CFAP299: variants seen among roughly 807,000 people sequenced by gnomAD.
The protein encoded by CFAP299 is cilia- and flagella-associated protein 299.
In CFAP299, 21 loss-of-function variants were observed where a neutral mutation model predicts 27.0. The ratio of observed to expected loss-of-function variants is 0.78; its 90% CI spans 0.55 to 1.12. CFAP299 has a LOEUF of 1.12. Among genes scored for constraint, CFAP299 ranks in the 50% most tolerant of loss-of-function variants. The pLI is 0.00. For missense variants in CFAP299, 310 were observed against 276.6 expected (o/e 1.12, Z -0.86); for synonymous variants, 104 against 98.1 (o/e 1.06, Z -0.36).
At chr4:80,590,717 C>A (rs1030555845) in intron 3 of CFAP299, among the ~76,000 whole-genome samples, 2 of 152,070 alleles carry the variant, frequency 1.3e-5, no homozygotes, top group African/African-American at 2.4e-5. Context: ...CAAAAACTGA[C>A]ACAATAATTA....
At position 80,675,851 on chromosome 4, in the gene CFAP299, G is replaced by A. The variant is rs534804464; in HGVS notation, c.333+92668G>A. Among the ~76,000 whole-genome samples, 212 of 152,226 alleles carry A rather than the reference G, an allele frequency of 1.4e-3. 1 individual carries two copies. The highest frequency in any genetic ancestry group is 5.9e-4 in the Non-Finnish European group (40 of 68,042). Reference sequence around the variant, plus strand: ...GGGTGTGGGACCTGCTGAGGCAGGCGCAGGATATAATCTCTTCATGTGTTG... The same window carrying A: ...GGGTGTGGGACCTGCTGAGGCAGGCACAGGATATAATCTCTTCATGTGTTG... On this transcript the variant is annotated intron_variant, in intron 3 of 5. Coordinates refer to ENST00000358105, the MANE Select transcript of CFAP299 (RefSeq NM_152770.3).
chr4:80,474,110 T>G (rs1730154220), intron 2 of CFAP299, among the ~76,000 whole-genome samples: 1 of 152,192 alleles, frequency 6.6e-6, no homozygotes, highest in Non-Finnish European at 1.5e-5. Flanking sequence ...AGGAATATGT[T>G]GAGTAATGAG....
chr4:80,562,400 C>A (rs1038528603), intron 2 of CFAP299, among the ~76,000 whole-genome samples: 4 of 152,032 alleles, frequency 2.6e-5, no homozygotes, highest in African/African-American at 9.7e-5. Flanking sequence ...GAGTTCGAGA[C>A]TAGCCTGTCC....
intron 2 of CFAP299, among the ~76,000 whole-genome samples, chr4:80,414,622 G>T (rs895447150): frequency 4.6e-5 from 7 of 152,128 alleles, no homozygotes; most frequent in Admixed American, 3.9e-4. Context: ...AATCTCATGT[G>T]CACCTCCTCA....
At chr4:80,731,970 A>G (rs1232504598) in intron 3 of CFAP299, among the ~76,000 whole-genome samples, 1 of 152,082 alleles carries the variant, frequency 6.6e-6, no homozygotes, top group South Asian at 2.1e-4. Flanking sequence ...GCCTGTTACT[A>G]AAAGCATCCA....
chr4:80,337,303 A>AT (rs919670513), intron 1 of CFAP299, among the ~76,000 whole-genome samples: 7 of 152,244 alleles, frequency 4.6e-5, no homozygotes, highest in Middle Eastern at 3.4e-3. Context: ...AGGTTTTAAT[A>AT]TTTTTTAAGG....
intron 2 of CFAP299, among the ~76,000 whole-genome samples, chr4:80,479,410 T>G (rs1231814220): frequency 6.6e-6 from 1 of 152,022 alleles, no homozygotes; most frequent in Non-Finnish European, 1.5e-5. Flanking sequence ...ATATAAGGAT[T>G]CCAATAGTCA....
chr4:80,610,725 A>G (rs1266094650), intron 3 of CFAP299, among the ~76,000 whole-genome samples: 2 of 152,070 alleles, frequency 1.3e-5, no homozygotes, highest in Non-Finnish European at 2.9e-5. Context: ...GTTCCTTTCT[A>G]GATGCAAACC....
intron 2 of CFAP299, among the ~76,000 whole-genome samples, chr4:80,417,738 C>G (rs544719914): frequency 6.6e-6 from 1 of 152,094 alleles, no homozygotes. Flanking sequence ...ATTGTAATGC[C>G]CCACTATTCT....
intron 3 of CFAP299, among the ~76,000 whole-genome samples, chr4:80,609,319 T>G (rs1449486609): frequency 6.6e-6 from 1 of 152,104 alleles, no homozygotes; most frequent in East Asian, 1.9e-4. Context: ...TGTGATATTA[T>G]TTAGTTATGC....
chr4:80,828,229 G>A (rs1193788166), intron 3 of CFAP299, among the ~76,000 whole-genome samples: 1 of 151,932 alleles, frequency 6.6e-6, no homozygotes, highest in Non-Finnish European at 1.5e-5. Context: ...AAGGGACCTG[G>A]AAGAGCCAAA....
chr4:80,753,771 G>A (rs188938429), intron 3 of CFAP299, among the ~76,000 whole-genome samples: 68 of 152,064 alleles, frequency 4.5e-4, no homozygotes, highest in Non-Finnish European at 7.9e-4. Context: ...CAAATCTAAC[G>A]AGGAACCATT....
intron 3 of CFAP299, among the ~76,000 whole-genome samples, chr4:80,868,407 G>C (rs146919927): frequency 3.1e-4 from 47 of 152,238 alleles, no homozygotes; most frequent in Middle Eastern, 6.8e-3. Context: ...TTTCCCTGGC[G>C]TACTGTTCCT....
intron 5 of CFAP299, among the ~76,000 whole-genome samples, chr4:80,953,964 C>A (rs1398191688): frequency 3.3e-5 from 5 of 152,084 alleles, no homozygotes; most frequent in Admixed American, 3.3e-4. Context: ...TAAAAGGGAC[C>A]CATATGGCCT....
At chr4:80,690,727 A>T (rs943057505) in intron 3 of CFAP299, among the ~76,000 whole-genome samples, 14 of 152,222 alleles carry the variant, frequency 9.2e-5, no homozygotes, top group African/African-American at 3.4e-4. Context: ...GACACAAAAA[A>T]CCCTTCAAAA....
intron 3 of CFAP299, among the ~76,000 whole-genome samples, chr4:80,854,617 ACAC>A (rs1644236211): frequency 6.6e-6 from 1 of 150,976 alleles, no homozygotes; most frequent in Admixed American, 6.6e-5. Flanking sequence ...TGGGCGGAAG[ACAC>A]AGTGGCTCTG....
At chr4:80,339,444 T>G (rs1404385121) in intron 1 of CFAP299, among the ~76,000 whole-genome samples, 1 of 152,210 alleles carries the variant, frequency 6.6e-6, no homozygotes, top group Non-Finnish European at 1.5e-5. Context: ...ACACAACTTT[T>G]TACATAATGC....
At chr4:80,761,058 A>T (rs958733501) in intron 3 of CFAP299, among the ~76,000 whole-genome samples, 1 of 152,106 alleles carries the variant, frequency 6.6e-6, no homozygotes, top group African/African-American at 2.4e-5. Context: ...ATGTATTTAA[A>T]TTTTTCCTGC....
intron 4 of CFAP299, among the ~76,000 whole-genome samples, chr4:80,936,698 A>G (rs1273267522): frequency 6.6e-6 from 1 of 152,156 alleles, no homozygotes; most frequent in Non-Finnish European, 1.5e-5. Context: ...TGGGCTTAGT[A>G]CATGCCTGAC....
Sources: allele counts gnomAD v4.1 joint callset (sites outside exome capture counted in the v4.1 genomes callset), GRCh38; gene constraint gnomAD v4.1.1; transcripts MANE v1.5; gene names NCBI Gene and HGNC (gene_info 2026-07-23, HGNC 2026-07-21).